The following KCNIP3 variants were observed in gnomAD, a reference collection of about 807,000 sequenced individuals.
KCNIP3 encodes the protein calsenilin.
A neutral mutation model predicts 35.0 loss-of-function variants in KCNIP3; 28 were observed. The observed-to-expected ratio is 0.80, with a 90% confidence interval of 0.59 to 1.10. KCNIP3 has a LOEUF of 1.10. Ranked by LOEUF, KCNIP3 falls within the 50% of genes least tolerant of loss-of-function variation. The probability of loss-of-function intolerance (pLI) is 0.00; values close to 1 mark genes in which losing one functional copy is unlikely to be tolerated. For missense variants in KCNIP3, 295 were observed against 338.4 expected (o/e 0.87, Z 1.01); for synonymous variants, 134 against 133.8 (o/e 1.00, Z -0.01).
intron 2 of KCNIP3, among the ~76,000 whole-genome samples, chr2:95,356,297 TTGTC>T (rs1242924529): frequency 6.6e-6 from 1 of 152,214 alleles, no homozygotes; most frequent in African/African-American, 2.4e-5. Context: ...ATTCTGTAGG[TTGTC>T]TGTTCACTCT....
At chr2:95,328,810 T>C (rs1484800921) in intron 2 of KCNIP3, among the ~76,000 whole-genome samples, 1 of 151,994 alleles carries the variant, frequency 6.6e-6, no homozygotes, top group Non-Finnish European at 1.5e-5. Flanking sequence ...GCACACACCT[T>C]GGAGGAAGAA....
At chr2:95,355,497 C>T (rs1453842848) in intron 2 of KCNIP3, among the ~76,000 whole-genome samples, 2 of 152,122 alleles carry the variant, frequency 1.3e-5, no homozygotes, top group South Asian at 2.1e-4. Flanking sequence ...CCTCCTCCAG[C>T]CCCCCAGCCT....
At chr2:95,364,830 G>A (rs1350070211) in intron 2 of KCNIP3, among the ~76,000 whole-genome samples, 6 of 152,186 alleles carry the variant, frequency 3.9e-5, no homozygotes, top group African/African-American at 9.6e-5. Context: ...TGAAATAAAC[G>A]TCTTTTCTTT....
At chr2:95,352,575 A>G (rs536912180) in intron 2 of KCNIP3, among the ~76,000 whole-genome samples, 1 of 146,092 alleles carries the variant, frequency 6.8e-6, no homozygotes, top group Admixed American at 6.8e-5. Context: ...CTCCCTCTCC[A>G]GCCCTCTCTC....
chr2:95,381,209 C>T (rs1184230423), intron 5 of KCNIP3, among the ~76,000 whole-genome samples: 1 of 152,172 alleles, frequency 6.6e-6, no homozygotes, highest in East Asian at 1.9e-4. Flanking sequence ...GCATCAGTAT[C>T]AGCTACCATG....
Position 95,300,047 on chromosome 2 carries a change from A to G in KCNIP3, c.15+2594A>G, listed in dbSNP as rs1677983088. ...TGAGATTTGAACCCTGCTCTGTCTT[A>G]CTCCAGAGCGCAGCAAGTCCCTAGG... On this transcript the variant is annotated intron_variant, in intron 1 of 8. Transcript: ENST00000295225. 2.0e-5 allele frequency among the ~76,000 whole-genome samples: 3 copies of G among 152,108 alleles called. No individual in the cohort carries two copies. The South Asian group carries it at 6.2e-4, about 31-fold the overall frequency.
At chr2:95,343,597 G>A (rs1679271676) in intron 2 of KCNIP3, among the ~76,000 whole-genome samples, 1 of 152,184 alleles carries the variant, frequency 6.6e-6, no homozygotes, top group African/African-American at 2.4e-5. Flanking sequence ...GTCAGGAACA[G>A]TTAGCATGGG....
At chr2:95,298,127 G>A (rs1450265484) in intron 1 of KCNIP3, among the ~76,000 whole-genome samples, 1 of 152,212 alleles carries the variant, frequency 6.6e-6, no homozygotes, top group Non-Finnish European at 1.5e-5. Context: ...AATTAAAGGA[G>A]GAATGAGGGA....
intron 2 of KCNIP3, among the ~76,000 whole-genome samples, chr2:95,363,259 G>T (rs1463343547): frequency 2.0e-5 from 3 of 152,098 alleles, no homozygotes; most frequent in Non-Finnish European, 2.9e-5. Context: ...ATTCACATTG[G>T]GGTCTCTAAT....
chr2:95,372,022 C>T, intron 2 of KCNIP3, among the ~76,000 whole-genome samples: 1 of 152,086 alleles, frequency 6.6e-6, no homozygotes, highest in East Asian at 1.9e-4. Flanking sequence ...CCAGGCTGGT[C>T]TTGAGCGCCT....
Position 95,382,466 on chromosome 2 carries a change from G to T in KCNIP3, c.645G>T (p.Val215=). Residue 215 remains valine, a synonymous_variant, in exon 7 of 9, where the codon GTG becomes GTT. Coordinates refer to ENST00000295225, the MANE Select transcript of KCNIP3 (RefSeq NM_013434.5). The surrounding 1 kb of genome is among the most constrained non-coding windows in gnomAD (Gnocchi z 4.5). ...GGGAGGACGCGCCGGCGGAGCACGTGGAGAGGTTCTTCGAGGTGAGCGAGC... is the reference window on the plus strand; with the variant it reads ...GGGAGGACGCGCCGGCGGAGCACGTTGAGAGGTTCTTCGAGGTGAGCGAGC... The part of the protein sequence containing the change: ...ILREDAPAEH[V]ERFFEKMDRN... 1 of 1,607,194 alleles carries T rather than the reference G, an allele frequency of 6.2e-7. No individual in the cohort carries two copies. Among genetic ancestry groups the T allele is most frequent in the Non-Finnish European group, 8.5e-7 (1 of 1,177,062 alleles).
chr2:95,316,397 G>T (rs1190518153), intron 2 of KCNIP3, among the ~76,000 whole-genome samples: 1 of 152,232 alleles, frequency 6.6e-6, no homozygotes, highest in Non-Finnish European at 1.5e-5. Flanking sequence ...GCCTGAACTT[G>T]CATATAACAG....
chr2:95,324,069 T>A (rs1678661678), intron 2 of KCNIP3, among the ~76,000 whole-genome samples: 1 of 152,106 alleles, frequency 6.6e-6, no homozygotes, highest in African/African-American at 2.4e-5. Context: ...AGACCGGGGC[T>A]CCCCACCTCC....
intron 2 of KCNIP3, chr2:95,368,579 C>G (rs1017801324): frequency 2.9e-4 from 113 of 392,750 alleles, no homozygotes; most frequent in Admixed American, 2.5e-3. Flanking sequence ...CTTAATTTCT[C>G]TTACAAAATT....
intron 2 of KCNIP3, among the ~76,000 whole-genome samples, chr2:95,332,258 T>A (rs1467377098): frequency 6.6e-6 from 1 of 152,250 alleles, no homozygotes; most frequent in African/African-American, 2.4e-5. Flanking sequence ...CTGGGGCAGA[T>A]GCGTACCAAC....
chr2:95,374,390 G>C lies in KCNIP3; in HGVS notation c.276G>C (p.Glu92Asp). ...CCCAGACCAAGTTCACCAAGAAGGA[G>C]CTGCAGTCTCTCTACAGGGGCTTTA... The part of the protein sequence containing the change: ...LQAQTKFTKK[E>D]LQSLYRGFKN... The change falls in exon 3 of 9, where the codon GAG (glutamate) becomes GAC (aspartate). Residue 92 changes from glutamate to aspartate, a missense_variant. Coordinates refer to ENST00000295225, the MANE Select transcript of KCNIP3 (RefSeq NM_013434.5). 6.2e-7 allele frequency: 1 copy of C among 1,614,192 alleles called. No homozygotes were observed. The highest frequency in any genetic ancestry group is 8.5e-7 in the Non-Finnish European group (1 of 1,179,998).
At chr2:95,300,246 A>AC (rs1677988808) in intron 1 of KCNIP3, among the ~76,000 whole-genome samples, 1 of 152,218 alleles carries the variant, frequency 6.6e-6, no homozygotes, top group Non-Finnish European at 1.5e-5. Flanking sequence ...TAGCCACGTG[A>AC]CCTGGAGCTA....
At position 95,342,801 on chromosome 2, in the gene KCNIP3, G is replaced by A. The variant is rs139075925; in HGVS notation, c.182-31495G>A. On this transcript the variant is annotated intron_variant, in intron 2 of 8. Coordinates refer to ENST00000295225, the MANE Select transcript of KCNIP3 (RefSeq NM_013434.5). Reference sequence around the variant, plus strand: ...GGCCATCCCTGAGCCAATCACTGTGGCAGCAGAGGGGTGGTATGGAGTGGA... The same window carrying A: ...GGCCATCCCTGAGCCAATCACTGTGACAGCAGAGGGGTGGTATGGAGTGGA... Among the ~76,000 whole-genome samples the A allele has an allele frequency of 3.9e-5, 6 of 152,324 alleles. No individual in the cohort carries two copies. In the East Asian group the frequency reaches 1.2e-3, roughly 29 times the overall value.
intron 2 of KCNIP3, among the ~76,000 whole-genome samples, chr2:95,336,817 C>T (rs562923709): frequency 6.6e-6 from 1 of 152,152 alleles, no homozygotes; most frequent in Non-Finnish European, 1.5e-5. Flanking sequence ...GATCTTAATC[C>T]TAACAAATGG....
Sources: gnomAD v4.1 joint callset for allele counts (sites outside exome capture counted in the v4.1 genomes callset) on GRCh38, gnomAD v4.1.1 for gene constraint, Gnocchi (gnomAD v3.1) non-coding constraint, MANE v1.5 for transcripts, NCBI Gene and HGNC (gene_info 2026-07-23, HGNC 2026-07-21) for gene names.